The following EGFR variants were observed in gnomAD, a reference collection of about 807,000 sequenced individuals.
EGFR encodes the protein epidermal growth factor receptor, also known as avian erythroblastic leukemia viral (v-erb-b) oncogene homolog.
EGFR carries 58 observed loss-of-function variants against 143.0 expected under a neutral mutation model. The observed-to-expected ratio is 0.41, with a 90% confidence interval of 0.33 to 0.50. The LOEUF is 0.50. Among genes scored for constraint, EGFR ranks in the 20% least tolerant of loss-of-function variants. The probability of loss-of-function intolerance (pLI) is 0.39; values close to 1 mark genes in which losing one functional copy is unlikely to be tolerated. For synonymous variants in EGFR, 613 were observed against 594.4 expected, an observed-to-expected ratio of 1.03 and a Z score of -0.45; for missense variants, 1,307 against 1,579.0, an observed-to-expected ratio of 0.83 and a Z score of 2.92.
At chr7:55,043,611 T>G (rs1376157745) in intron 1 of EGFR, among the ~76,000 whole-genome samples, 1 of 152,002 alleles carries the variant, frequency 6.6e-6, no homozygotes, top group Non-Finnish European at 1.5e-5. Flanking sequence ...AACCGCCCCC[T>G]TCTTGGCCTC....
chr7:55,176,917 C>T (rs1287359407), intron 19 of EGFR, among the ~76,000 whole-genome samples: 1 of 145,216 alleles, frequency 6.9e-6, no homozygotes, highest in Non-Finnish European at 1.5e-5. Context: ...ATATATATCT[C>T]TCTCTAAATA....
At chr7:55,050,408 A>C (rs911407314) in intron 1 of EGFR, among the ~76,000 whole-genome samples, 1 of 152,194 alleles carries the variant, frequency 6.6e-6, no homozygotes, top group Non-Finnish European at 1.5e-5. Flanking sequence ...TCCACGTTGC[A>C]GCATATGGCA....
chr7:55,025,526 T>C (rs548098029), intron 1 of EGFR, among the ~76,000 whole-genome samples: 15 of 152,254 alleles, frequency 9.9e-5, no homozygotes, highest in African/African-American at 2.9e-4. Flanking sequence ...CCAATATCAA[T>C]ATTCAGCTTT....
chr7:55,115,168 T>A (rs551710079), intron 1 of EGFR, among the ~76,000 whole-genome samples: 34 of 152,166 alleles, frequency 2.2e-4, no homozygotes, highest in Non-Finnish European at 2.9e-5. Context: ...TTCTTTAAAT[T>A]CACATGAGAA....
intron 1 of EGFR, among the ~76,000 whole-genome samples, chr7:55,063,200 G>C (rs78550678): frequency 6.6e-6 from 1 of 152,176 alleles, no homozygotes; most frequent in Non-Finnish European, 1.5e-5. Flanking sequence ...AAGCAAGAAC[G>C]ACCGACCTCA....
chr7:55,077,232 T>C (rs954263132), intron 1 of EGFR, among the ~76,000 whole-genome samples: 2 of 152,166 alleles, frequency 1.3e-5, no homozygotes, highest in African/African-American at 4.8e-5. Flanking sequence ...TATTCTTTGC[T>C]GGGTGTGGTA....
chr7:55,056,969 G>T (rs1291870403), intron 1 of EGFR, among the ~76,000 whole-genome samples: 1 of 152,224 alleles, frequency 6.6e-6, no homozygotes, highest in African/African-American at 2.4e-5. Context: ...GTAAGGTGGA[G>T]TGCAGCCAAC....
intron 1 of EGFR, among the ~76,000 whole-genome samples, chr7:55,061,775 T>C (rs1265202909): frequency 3.3e-5 from 5 of 152,186 alleles, no homozygotes; most frequent in Non-Finnish European, 7.3e-5. Context: ...AGACTGACTC[T>C]GACTTAATCT....
At position 55,152,592 on chromosome 7, in the gene EGFR, C is replaced by A. The variant is rs1317862154; in HGVS notation, c.675C>A (p.Gly225=). 6.2e-7 allele frequency: 1 copy of A among 1,613,866 alleles called. No homozygotes were observed. Among genetic ancestry groups the A allele is most frequent in the Non-Finnish European group, 8.5e-7 (1 of 1,180,046 alleles). The change falls in exon 6 of 28, where the codon GGC becomes GGA. Residue 225 remains glycine (G), a synonymous_variant. Transcript: ENST00000275493. ...AGCAGTGCTCCGGGCGCTGCCGTGG[C>A]AAGTCCCCCAGTGACTGCTGCCACA... is the stretch of plus-strand genomic sequence containing the variant. ...CAQQCSGRCR[G]KSPSDCCHNQ... is the part of the protein sequence containing the mutation.
At chr7:55,054,368 T>A (rs1263588977) in intron 1 of EGFR, among the ~76,000 whole-genome samples, 1 of 152,190 alleles carries the variant, frequency 6.6e-6, no homozygotes, top group African/African-American at 2.4e-5. Context: ...CTGGAAAACA[T>A]CACTTGAAGC....
At chr7:55,156,212 C>T (rs1463179447) in intron 8 of EGFR, among the ~76,000 whole-genome samples, 1 of 152,156 alleles carries the variant, frequency 6.6e-6, no homozygotes, top group Non-Finnish European at 1.5e-5. Context: ...TGGGGAGAAT[C>T]CAGGGAAGGC....
chr7:55,036,757 A>G (rs1787607262), intron 1 of EGFR, among the ~76,000 whole-genome samples: 1 of 152,236 alleles, frequency 6.6e-6, no homozygotes, highest in Non-Finnish European at 1.5e-5. Flanking sequence ...ATTATATAAA[A>G]ATAGGTTTTG....
rs1373305144 is a variant in EGFR at position 55,205,867 on chromosome 7, G to C, written c.*250G>C. On this transcript the variant is annotated 3_prime_UTR_variant, in exon 28 of 28. Coordinates refer to ENST00000275493, the MANE Select transcript of EGFR (RefSeq NM_005228.5). ...TCCAGCAAGAATATTGTCCCTTTGA[G>C]CAGAAATTTATCTTTCAAAGAGGTA... is the stretch of plus-strand genomic sequence containing the variant. The C allele has an allele frequency of 1.3e-5, 7 of 544,532 alleles. No homozygotes were observed. In the Admixed American group the frequency reaches 1.9e-4, roughly 15 times the overall value. 33.7% of individuals were successfully genotyped at this position (544,532 alleles called of 1,614,324 possible).
intron 1 of EGFR, among the ~76,000 whole-genome samples, chr7:55,130,633 C>T (rs1562741629): frequency 1.3e-5 from 2 of 152,276 alleles, no homozygotes; most frequent in Non-Finnish European, 1.5e-5. Context: ...TTAAAACAAG[C>T]GTTAAATGAA....
intron 4 of EGFR, 138 bp downstream of exon 4, chr7:55,146,878 A>C (rs1794794954): frequency 1.6e-6 from 2 of 1,277,304 alleles, no homozygotes; most frequent in African/African-American, 2.9e-5. Context: ...ATATCTGACC[A>C]CTAGAAAAGC....
At chr7:55,046,190 T>C (rs1323902896) in intron 1 of EGFR, among the ~76,000 whole-genome samples, 4 of 152,212 alleles carry the variant, frequency 2.6e-5, no homozygotes, top group Non-Finnish European at 4.4e-5. Context: ...CATGCTCTTT[T>C]AGAACCTTAA....
At chr7:55,111,254 T>C (rs918938217) in intron 1 of EGFR, among the ~76,000 whole-genome samples, 4 of 152,182 alleles carry the variant, frequency 2.6e-5, no homozygotes, top group East Asian at 1.9e-4. Context: ...CTTCATTCTT[T>C]AGACATTTTG....
intron 3 of EGFR, among the ~76,000 whole-genome samples, chr7:55,144,540 C>G (rs1202125352): frequency 6.6e-6 from 1 of 152,164 alleles, no homozygotes; most frequent in Non-Finnish European, 1.5e-5. Flanking sequence ...TCCGGAGTGA[C>G]AGGAGCCCAA....
chr7:55,205,460 A>G lies in EGFR; in HGVS notation c.3476A>G (p.Gln1159Arg), dbSNP rs1179392671. 2 of 1,614,100 alleles carry G rather than the reference A, an allele frequency of 1.2e-6. No homozygotes were observed. The highest frequency in any genetic ancestry group is 2.7e-5 in the African/African-American group (2 of 74,940). Reference sequence around the variant, plus strand: ...TTCGACAGCCCTGCCCACTGGGCCCAGAAAGGCAGCCACCAAATTAGCCTG... The same window carrying G: ...TTCGACAGCCCTGCCCACTGGGCCCGGAAAGGCAGCCACCAAATTAGCCTG... ...STFDSPAHWAQKGSHQISLDN... is the reference protein window; with the variant it reads ...STFDSPAHWARKGSHQISLDN... The change falls in exon 28 of 28, where the codon CAG becomes CGG. Residue 1159 changes from glutamine to arginine, a missense_variant. Physicochemically the swap from Gln to Arg is conservative, Grantham distance 43. Coordinates refer to ENST00000275493, the MANE Select transcript of EGFR (RefSeq NM_005228.5).
Sources: gnomAD v4.1 joint callset for allele counts (sites outside exome capture counted in the v4.1 genomes callset) on GRCh38, gnomAD v4.1.1 for gene constraint, MANE v1.5 for transcripts, NCBI Gene and HGNC (gene_info 2026-07-23, HGNC 2026-07-21) for gene names.